KCNQ3: variants seen among roughly 807,000 people sequenced by gnomAD.
KCNQ3 encodes potassium voltage-gated channel subfamily KQT member 3.
KCNQ3 carries 30 observed loss-of-function variants against 92.5 expected under a neutral mutation model. The observed-to-expected ratio is 0.32, with a 90% CI of 0.24 to 0.44. The LOEUF (loss-of-function observed/expected upper bound fraction) is 0.44, where lower values mean the gene tolerates loss of function less well. KCNQ3 is among the 20% of genes least tolerant of loss of function. The probability of loss-of-function intolerance (pLI) is 1.00; values close to 1 mark genes in which losing one functional copy is unlikely to be tolerated. For synonymous variants in KCNQ3, 450 were observed against 468.8 expected (o/e 0.96, Z 0.52); for missense variants, 913 against 1,140.3 (o/e 0.80, Z 2.87).
At chr8:132,437,866 T>C (rs1821436527) in intron 1 of KCNQ3, among the ~76,000 whole-genome samples, 1 of 152,222 alleles carries the variant, frequency 6.6e-6, no homozygotes, top group South Asian at 2.1e-4. Context: ...AAAATAATTG[T>C]TCACAGCAGT....
chr8:132,168,392 C>T (rs1013714592), intron 8 of KCNQ3, among the ~76,000 whole-genome samples: 7 of 152,182 alleles, frequency 4.6e-5, no homozygotes, highest in Admixed American at 3.9e-4. Flanking sequence ...GCAAGTCACC[C>T]GTGACCCTCC....
rs77114022 is a variant in KCNQ3 at position 132,169,373 on chromosome 8, G to A, written c.1235+961C>T. Among the ~76,000 whole-genome samples, 6 of 152,296 alleles carry A rather than the reference G, an allele frequency of 3.9e-5. No homozygotes were observed. The East Asian group carries it at 9.6e-4, about 24-fold the overall frequency. ...GGGGAATAAATGAAATAATGAACTC[G>A]AATGCCTAGAGCATAGTGGGCATCC... On this transcript the variant is annotated intron_variant, in intron 8 of 14. Coordinates refer to ENST00000388996, the MANE Select transcript of KCNQ3 (RefSeq NM_004519.4).
At chr8:132,205,498 A>C (rs1813628404) in intron 1 of KCNQ3, among the ~76,000 whole-genome samples, 1 of 152,232 alleles carries the variant, frequency 6.6e-6, no homozygotes, top group Admixed American at 6.5e-5. Context: ...AGGCATTTAT[A>C]CAGCACTGTC....
At chr8:132,133,141 T>G (rs1246777271) in intron 13 of KCNQ3, among the ~76,000 whole-genome samples, 1 of 152,184 alleles carries the variant, frequency 6.6e-6, no homozygotes, top group South Asian at 2.1e-4. Context: ...AAGCTGGATA[T>G]TCTGTTTTCT....
At chr8:132,217,042 T>C (rs1814054272) in intron 1 of KCNQ3, among the ~76,000 whole-genome samples, 1 of 152,190 alleles carries the variant, frequency 6.6e-6, no homozygotes, top group Non-Finnish European at 1.5e-5. Flanking sequence ...ATTTTTCATT[T>C]CATTATTATC....
chr8:132,165,788 G>A (rs990500346), intron 8 of KCNQ3, among the ~76,000 whole-genome samples: 3 of 152,152 alleles, frequency 2.0e-5, no homozygotes, highest in South Asian at 2.1e-4. Context: ...TCAGCTGAGC[G>A]ATATTAAGCA....
chr8:132,169,795 G>A lies in KCNQ3; in HGVS notation c.1235+539C>T, dbSNP rs973666848. Among the ~76,000 whole-genome samples, 10 of 152,218 alleles carry A rather than the reference G, an allele frequency of 6.6e-5. No homozygotes were observed. In the South Asian group the frequency reaches 1.4e-3, roughly 22 times the overall value. ...TCAAATATACTGATGCTGCGGCCCCGGCCCTGGGGATTCTGACTTAATTAG... is the reference window on the plus strand; with the variant it reads ...TCAAATATACTGATGCTGCGGCCCCAGCCCTGGGGATTCTGACTTAATTAG... On this transcript the variant is annotated intron_variant, in intron 8 of 14. Coordinates refer to ENST00000388996, the MANE Select transcript of KCNQ3 (RefSeq NM_004519.4).
intron 1 of KCNQ3, among the ~76,000 whole-genome samples, chr8:132,206,269 G>C (rs528389569): frequency 1.3e-5 from 2 of 152,140 alleles, no homozygotes; most frequent in South Asian, 2.1e-4. Flanking sequence ...GCCCTGCCAG[G>C]CTTTTCTTCA....
chr8:132,414,741 A>T (rs1004469954), intron 1 of KCNQ3, among the ~76,000 whole-genome samples: 8 of 152,240 alleles, frequency 5.3e-5, no homozygotes, highest in Non-Finnish European at 8.8e-5. Flanking sequence ...ATAGCAAAAT[A>T]ATAGACAGAG....
chr8:132,283,812 T>C (rs994784145), intron 1 of KCNQ3, among the ~76,000 whole-genome samples: 7 of 152,368 alleles, frequency 4.6e-5, no homozygotes, highest in Non-Finnish European at 1.0e-4. Flanking sequence ...TCATCTTTCA[T>C]AAACTGGTTC....
rs559424890 is a variant in KCNQ3, at chr8:132,167,176, G to A, written c.1235+3158C>T. On this transcript the variant is annotated intron_variant, in intron 8 of 14. Coordinates refer to ENST00000388996, the MANE Select transcript of KCNQ3 (RefSeq NM_004519.4). ...AAAGTGAAAGAAACCATGCATAAAA[G>A]AAAGACAATATATCATATGATTTCA... Among the ~76,000 whole-genome samples, 5 of 152,254 alleles carry A rather than the reference G, an allele frequency of 3.3e-5. No individual in the cohort carries two copies. In the South Asian group the frequency reaches 1.0e-3, roughly 32 times the overall value.
intron 1 of KCNQ3, among the ~76,000 whole-genome samples, chr8:132,442,548 C>T (rs916776464): frequency 6.6e-6 from 1 of 152,180 alleles, no homozygotes; most frequent in Non-Finnish European, 1.5e-5. Context: ...AATGCACCAA[C>T]GGCTGCAAAG....
At chr8:132,325,710 G>A (rs1329996762) in intron 1 of KCNQ3, among the ~76,000 whole-genome samples, 1 of 152,154 alleles carries the variant, frequency 6.6e-6, no homozygotes, top group East Asian at 1.9e-4. Flanking sequence ...AGAACTGCGG[G>A]AAAATACATT....
intron 1 of KCNQ3, among the ~76,000 whole-genome samples, chr8:132,250,377 A>T (rs1815365314): frequency 6.6e-6 from 1 of 152,238 alleles, no homozygotes; most frequent in South Asian, 2.1e-4. Flanking sequence ...TTTAATGAAG[A>T]AAAACGGAAA....
At chr8:132,425,202 C>A (rs878991615) in intron 1 of KCNQ3, among the ~76,000 whole-genome samples, 1 of 152,202 alleles carries the variant, frequency 6.6e-6, no homozygotes, top group Non-Finnish European at 1.5e-5. Context: ...AGGAGAGTCA[C>A]TGGGATACAG....
chr8:132,133,119 A>C (rs1824938049), intron 13 of KCNQ3, among the ~76,000 whole-genome samples: 1 of 152,128 alleles, frequency 6.6e-6, no homozygotes, highest in African/African-American at 2.4e-5. Context: ...AAAAATTGAG[A>C]ATTTCATGTA....
intron 1 of KCNQ3, among the ~76,000 whole-genome samples, chr8:132,309,459 G>A (rs1456053109): frequency 1.3e-5 from 2 of 152,190 alleles, no homozygotes; most frequent in East Asian, 3.9e-4. Context: ...CACAGCTACT[G>A]TATGGAGCAT....
At chr8:132,184,131 T>G (rs1826880711) in intron 3 of KCNQ3, 110 bp downstream of exon 3, 5 of 1,402,566 alleles carry the variant, frequency 3.6e-6, no homozygotes, top group African/African-American at 1.4e-5. Context: ...TGAGCTGGCC[T>G]CCACAGTGCC....
At chr8:132,161,596 C>T (rs1341797383) in intron 9 of KCNQ3, among the ~76,000 whole-genome samples, 1 of 151,570 alleles carries the variant, frequency 6.6e-6, no homozygotes, top group East Asian at 1.9e-4. Context: ...TGTGCCACTG[C>T]ACTCCAGCCT....
Sources: gnomAD v4.1 joint callset for allele counts (sites outside exome capture counted in the v4.1 genomes callset) on GRCh38, gnomAD v4.1.1 for gene constraint, MANE v1.5 for transcripts, NCBI Gene and HGNC (gene_info 2026-07-23, HGNC 2026-07-21) for gene names.